The following BBX variants were observed in gnomAD, a reference collection of about 807,000 sequenced individuals.
The protein encoded by BBX is BBX high mobility group box domain containing, also known as HMG box transcription factor BBX.
In BBX, 30 loss-of-function variants were observed where a neutral mutation model predicts 100.2. The ratio of observed to expected loss-of-function variants is 0.30; its 90% CI spans 0.22 to 0.41. The LOEUF (loss-of-function observed/expected upper bound fraction) is 0.41, where lower values mean the gene tolerates loss of function less well. Among genes scored for constraint, BBX ranks in the 10% least tolerant of loss-of-function variants. The pLI is 1.00. For missense variants in BBX, 1,023 were observed against 1,129.8 expected, an observed-to-expected ratio of 0.91 and a Z score of 1.35; for synonymous variants, 376 against 388.1, an observed-to-expected ratio of 0.97 and a Z score of 0.37.
At chr3:107,721,550 T>C (rs539245976) in intron 5 of BBX, among the ~76,000 whole-genome samples, 67 of 152,112 alleles carry the variant, frequency 4.4e-4, no homozygotes, top group Middle Eastern at 6.8e-3. Context: ...GTGTGGTTTG[T>C]GTTTCACAAC....
chr3:107,720,342 T>A (rs1560037113), intron 5 of BBX, among the ~76,000 whole-genome samples: 1 of 151,994 alleles, frequency 6.6e-6, no homozygotes, highest in Admixed American at 6.6e-5. Flanking sequence ...TCATGAGTCT[T>A]ACAGGAAGAA....
At chr3:107,538,765 A>C (rs1337870576) in intron 2 of BBX, among the ~76,000 whole-genome samples, 2 of 152,004 alleles carry the variant, frequency 1.3e-5, no homozygotes, top group Admixed American at 1.3e-4. Context: ...GGAACACAGT[A>C]CTAATCATTG....
At chr3:107,696,520 C>T (rs9683068) in intron 3 of BBX, among the ~76,000 whole-genome samples, 150,020 of 151,602 alleles carry the variant, frequency 0.99, 74,294 homozygotes, top group Middle Eastern at 1. Context: ...ATGTTGAATA[C>T]TGGCCCCCAC....
At chr3:107,552,957 T>G (rs1354329484) in intron 2 of BBX, among the ~76,000 whole-genome samples, 1 of 152,190 alleles carries the variant, frequency 6.6e-6, no homozygotes, top group East Asian at 1.9e-4. Context: ...AAGACCTAAT[T>G]TTACCCACCC....
intron 5 of BBX, among the ~76,000 whole-genome samples, chr3:107,717,100 C>A (rs376378303): frequency 3.9e-5 from 6 of 152,160 alleles, no homozygotes; most frequent in Admixed American, 1.3e-4. Context: ...TTGTCTATAC[C>A]CCACTGATTG....
chr3:107,765,638 C>G (rs1048421195), intron 10 of BBX, among the ~76,000 whole-genome samples: 1 of 152,142 alleles, frequency 6.6e-6, no homozygotes. Flanking sequence ...AAACTGCCTT[C>G]CAGTACATCA....
chr3:107,712,292 C>T (rs1454961935), intron 4 of BBX, among the ~76,000 whole-genome samples: 3 of 152,182 alleles, frequency 2.0e-5, no homozygotes, highest in East Asian at 3.9e-4. Context: ...TTAATTTCTA[C>T]CTCCATCCTG....
rs142414280 is a variant in BBX, at chr3:107,703,063, A to T, written c.-9-7389A>T. On this transcript the variant is annotated intron_variant, in intron 3 of 17. Transcript: ENST00000325805. ...AGTAAAGGAGGAGGAGACACCCATG[A>T]GCTAATCTTCTTGTGTTTCAGCTTC... Among the ~76,000 whole-genome samples, 138 of 152,288 alleles carry T rather than the reference A, an allele frequency of 9.1e-4. 2 individuals carry two copies. The highest frequency in any genetic ancestry group is 8.5e-4 in the Non-Finnish European group (58 of 68,014).
At chr3:107,593,258 G>T (rs926099047) in intron 2 of BBX, among the ~76,000 whole-genome samples, 31 of 152,294 alleles carry the variant, frequency 2.0e-4, no homozygotes, top group South Asian at 4.1e-4. Context: ...TGACCCTAAG[G>T]CGTATCTTCT....
intron 3 of BBX, among the ~76,000 whole-genome samples, chr3:107,680,628 T>G (rs1046251654): frequency 6.6e-6 from 1 of 152,202 alleles, no homozygotes; most frequent in Non-Finnish European, 1.5e-5. Flanking sequence ...CCATGTGTGA[T>G]TCAATTGAAT....
intron 2 of BBX, among the ~76,000 whole-genome samples, chr3:107,563,736 A>G (rs1220978981): frequency 2.0e-5 from 3 of 152,162 alleles, no homozygotes; most frequent in African/African-American, 7.2e-5. Context: ...GCCTCTCTAG[A>G]AAGGATGCTT....
Position 107,531,018 on chromosome 3 carries a change from G to A in BBX, c.-84+4620G>A, listed in dbSNP as rs560557326. 7.2e-5 allele frequency among the ~76,000 whole-genome samples: 11 copies of A among 152,310 alleles called. No homozygotes were observed. The East Asian group carries it at 1.9e-3, about 27-fold the overall frequency. On this transcript the variant is annotated intron_variant, in intron 2 of 17. Coordinates refer to ENST00000325805, the MANE Select transcript of BBX (RefSeq NM_001142568.3). Reference sequence around the variant, plus strand: ...TATTCTCATTCAGTGTTTCTGGGGTGGGGCCATGGAATTTAGATTTTAGCA... The same window carrying A: ...TATTCTCATTCAGTGTTTCTGGGGTAGGGCCATGGAATTTAGATTTTAGCA...
intron 2 of BBX, among the ~76,000 whole-genome samples, chr3:107,591,097 A>AT (rs942501515): frequency 1.3e-5 from 2 of 152,298 alleles, no homozygotes; most frequent in Non-Finnish European, 2.9e-5. Flanking sequence ...TTCTGGATAG[A>AT]TTTTTTTCCC....
At chr3:107,644,254 A>G (rs1050663985) in intron 2 of BBX, among the ~76,000 whole-genome samples, 4 of 152,220 alleles carry the variant, frequency 2.6e-5, no homozygotes, top group African/African-American at 7.2e-5. Flanking sequence ...CTCAGATAGC[A>G]TATATTCACT....
chr3:107,743,849 A>G (rs948250737), intron 7 of BBX, among the ~76,000 whole-genome samples: 6 of 151,218 alleles, frequency 4.0e-5, no homozygotes, highest in East Asian at 1.9e-4. Context: ...GGAAGAATAT[A>G]TAAGAGTATT....
At chr3:107,553,452 C>T (rs988301705) in intron 2 of BBX, among the ~76,000 whole-genome samples, 1 of 152,176 alleles carries the variant, frequency 6.6e-6, no homozygotes, top group African/African-American at 2.4e-5. Context: ...TTCTCCCGTG[C>T]TCCCAAGTAA....
chr3:107,787,440 G>A (rs141843000), intron 13 of BBX, among the ~76,000 whole-genome samples: 160 of 152,246 alleles, frequency 1.1e-3, no homozygotes, highest in African/African-American at 3.8e-3. Context: ...TTCCAGAATA[G>A]GCAAACCTAT....
intron 2 of BBX, among the ~76,000 whole-genome samples, chr3:107,559,082 T>G (rs1387265103): frequency 6.6e-6 from 1 of 152,228 alleles, no homozygotes; most frequent in Non-Finnish European, 1.5e-5. Context: ...TCTGTTTGGC[T>G]TCGATTTGGC....
chr3:107,726,712 A>G (rs1285589488), intron 5 of BBX, among the ~76,000 whole-genome samples: 1 of 152,074 alleles, frequency 6.6e-6, no homozygotes, highest in Non-Finnish European at 1.5e-5. Context: ...GCCATGGTCC[A>G]GCTTTATGGA....
Sources: gnomAD v4.1 joint callset for allele counts (sites outside exome capture counted in the v4.1 genomes callset) on GRCh38, gnomAD v4.1.1 for gene constraint, MANE v1.5 for transcripts, NCBI Gene and HGNC (gene_info 2026-07-23, HGNC 2026-07-21) for gene names.